Variants in NRG2 observed in about 807,000 individuals in gnomAD.
NRG2 encodes the protein pro-neuregulin-2, membrane-bound isoform.
Under a neutral mutation model 73.9 loss-of-function variants are expected in NRG2, and 27 were observed. The ratio of observed to expected loss-of-function variants is 0.37; its 90% CI spans 0.27 to 0.50. The LOEUF is 0.50. NRG2 is among the 20% of genes least tolerant of loss of function. NRG2 has a pLI of 0.96. For missense variants in NRG2, 1,126 were observed against 1,210.1 expected, an observed-to-expected ratio of 0.93 and a Z score of 1.03; for synonymous variants, 532 against 541.0, an observed-to-expected ratio of 0.98 and a Z score of 0.23.
At chr5:140,000,563 G>A (rs1338311723) in intron 1 of NRG2, among the ~76,000 whole-genome samples, 1 of 152,242 alleles carries the variant, frequency 6.6e-6, no homozygotes, top group Non-Finnish European at 1.5e-5. Context: ...GCAGGCAGGC[G>A]GAATGATTCT....
chr5:139,917,611 TA>T (rs1275350262), intron 1 of NRG2, among the ~76,000 whole-genome samples: 1 of 152,228 alleles, frequency 6.6e-6, no homozygotes, highest in Non-Finnish European at 1.5e-5. Context: ...TCTTTTTTTG[TA>T]CATATTGGCC....
rs182833710 is a variant in NRG2, at chr5:139,931,917, T to C, written c.701-44406A>G. Among the ~76,000 whole-genome samples, 8 of 152,242 alleles carry C rather than the reference T, an allele frequency of 5.3e-5. No individual in the cohort carries two copies. The East Asian group carries it at 1.5e-3, about 29-fold the overall frequency. ...TTCACATTTGTATGGACAGCTATTA[T>C]CAAAAAGACAAGAAATAACAAATGT... On this transcript the variant is annotated intron_variant, in intron 1 of 9. Transcript: ENST00000361474.
chr5:139,932,407 T>C (rs2126378384), intron 1 of NRG2, among the ~76,000 whole-genome samples: 1 of 147,318 alleles, frequency 6.8e-6, no homozygotes, highest in South Asian at 2.3e-4. Flanking sequence ...CACTTATTAG[T>C]AGATTTTTTT....
chr5:139,915,344 C>G lies in NRG2; in HGVS notation c.701-27833G>C, dbSNP rs1253441236. 6.6e-6 allele frequency among the ~76,000 whole-genome samples: 1 copy of G among 152,188 alleles called. No homozygotes were observed. The highest frequency in any genetic ancestry group is 1.5e-5 in the Non-Finnish European group (1 of 68,034). ...ACAGAGGACAATGGGATTGGGAGAG[C>G]ATTTCTGCTTGGGGTCACCAGTTGA... On this transcript the variant is annotated intron_variant, in intron 1 of 9. Transcript: ENST00000361474. This position sits in a 1 kb window ranked among gnomAD's most constrained non-coding sequence, Gnocchi z 4.0.
chr5:139,920,661 C>A (rs1341946770), intron 1 of NRG2, among the ~76,000 whole-genome samples: 3 of 152,138 alleles, frequency 2.0e-5, no homozygotes, highest in Non-Finnish European at 4.4e-5. Context: ...CCAGTATAAA[C>A]CATGCTTCTC....
chr5:139,871,885 C>A, intron 3 of NRG2, 44 bp from the exon 4 acceptor site: 1 of 1,596,548 alleles, frequency 6.3e-7, no homozygotes, highest in Non-Finnish European at 8.6e-7. Flanking sequence ...CTGAGACTAT[C>A]CCTAGGCCCC....
chr5:139,978,754 T>C (rs908752540), intron 1 of NRG2, among the ~76,000 whole-genome samples: 2 of 152,182 alleles, frequency 1.3e-5, no homozygotes, highest in African/African-American at 4.8e-5. Flanking sequence ...CTATGTTTAC[T>C]GTGGCACTAT....
intron 1 of NRG2, among the ~76,000 whole-genome samples, chr5:140,000,062 AAAC>A (rs1483432104): frequency 6.6e-6 from 1 of 152,242 alleles, no homozygotes; most frequent in Non-Finnish European, 1.5e-5. Flanking sequence ...AATTATAAAA[AAAC>A]AACATTTGTC....
chr5:139,949,885 G>A (rs1030424934), intron 1 of NRG2, among the ~76,000 whole-genome samples: 2 of 152,202 alleles, frequency 1.3e-5, no homozygotes, highest in Non-Finnish European at 2.9e-5. Flanking sequence ...TCAAAGCTTG[G>A]CAGGGGGCCT....
intron 1 of NRG2, among the ~76,000 whole-genome samples, chr5:139,899,752 G>C (rs1308951492): frequency 1.3e-5 from 2 of 152,184 alleles, no homozygotes; most frequent in Non-Finnish European, 2.9e-5. Context: ...CTGATGGGGA[G>C]GGCCTGCTCC....
intron 1 of NRG2, among the ~76,000 whole-genome samples, chr5:139,976,782 G>A (rs1756412206): frequency 6.6e-6 from 1 of 152,206 alleles, no homozygotes; most frequent in African/African-American, 2.4e-5. Flanking sequence ...CAGCTGTTAG[G>A]TTATTACTTA....
intron 6 of NRG2, among the ~76,000 whole-genome samples, chr5:139,854,087 A>G (rs1261399379): frequency 2.0e-5 from 3 of 152,214 alleles, no homozygotes; most frequent in Non-Finnish European, 4.4e-5. Flanking sequence ...AGTACCCGCA[A>G]AAATGAAAAT....
At chr5:139,891,758 G>T (rs1764224513) in intron 1 of NRG2, among the ~76,000 whole-genome samples, 1 of 152,138 alleles carries the variant, frequency 6.6e-6, no homozygotes, top group African/African-American at 2.4e-5. Flanking sequence ...GCCTGGAGAG[G>T]TAGGTAGGGC....
chr5:140,033,536 G>A (rs1468770036), intron 1 of NRG2, among the ~76,000 whole-genome samples: 1 of 152,082 alleles, frequency 6.6e-6, no homozygotes, highest in African/African-American at 2.4e-5. Context: ...GGGCTACTTG[G>A]GATCTCCACA....
chr5:139,943,945 CTTTA>C (rs1753600016), intron 1 of NRG2, among the ~76,000 whole-genome samples: 1 of 152,096 alleles, frequency 6.6e-6, no homozygotes, highest in Non-Finnish European at 1.5e-5. Context: ...TCTAATAAAA[CTTTA>C]TTTATGGACA....
At chr5:139,905,530 A>C (rs1765170637) in intron 1 of NRG2, among the ~76,000 whole-genome samples, 1 of 152,232 alleles carries the variant, frequency 6.6e-6, no homozygotes, top group Admixed American at 6.5e-5. Flanking sequence ...GGTCAAGGCC[A>C]GGGACTCGAG....
At chr5:140,042,061 T>C (rs1761964832) in intron 1 of NRG2, among the ~76,000 whole-genome samples, 1 of 152,138 alleles carries the variant, frequency 6.6e-6, no homozygotes, top group Non-Finnish European at 1.5e-5. Context: ...CCGTTTTTCC[T>C]TCCGCTACTG....
rs1368719093 is a variant in NRG2 at position 139,904,297 on chromosome 5, G to A, written c.701-16786C>T. 1 of 1,587,558 alleles carries A rather than the reference G, an allele frequency of 6.3e-7. No homozygotes were observed. Among genetic ancestry groups the A allele is most frequent in the Non-Finnish European group, 8.5e-7 (1 of 1,175,406 alleles). On this transcript the variant is annotated intron_variant, in intron 1 of 9. Transcript: ENST00000361474. This position sits in a 1 kb window ranked among gnomAD's most constrained non-coding sequence, Gnocchi z 6.0. ...GAAACCGGGTTTCTGGGCGCGCGGA[G>A]GTGCCCTACCTTTCTCCCCGGGATC...
intron 1 of NRG2, among the ~76,000 whole-genome samples, chr5:139,957,810 G>A (rs1754750485): frequency 6.6e-6 from 1 of 152,212 alleles, no homozygotes; most frequent in Non-Finnish European, 1.5e-5. Context: ...AGCCAAGAGA[G>A]ATTTGAGAGT....
Sources: gnomAD v4.1 joint callset for allele counts (sites outside exome capture counted in the v4.1 genomes callset) on GRCh38, gnomAD v4.1.1 for gene constraint, Gnocchi (gnomAD v3.1) non-coding constraint, MANE v1.5 for transcripts, NCBI Gene and HGNC (gene_info 2026-07-23, HGNC 2026-07-21) for gene names.